FBXO32: variants seen among roughly 807,000 people sequenced by gnomAD.
FBXO32 encodes the protein F-box protein 32, also known as F-box only protein 32.
Under a neutral mutation model 48.3 loss-of-function variants are expected in FBXO32, and 15 were observed. The observed-to-expected ratio is 0.31, with a 90% CI of 0.21 to 0.48. FBXO32 has a LOEUF of 0.48. Ranked by LOEUF, FBXO32 falls within the 20% of genes least tolerant of loss-of-function variation. The pLI is 0.99. For missense variants in FBXO32, 309 were observed against 432.7 expected (o/e 0.71, Z 2.54); for synonymous variants, 154 against 165.9 (o/e 0.93, Z 0.55).
chr8:123,534,968 GTC>G (rs2130559803), intron 1 of FBXO32, among the ~76,000 whole-genome samples, 154 bp from the exon 2 acceptor site: 1 of 152,284 alleles, frequency 6.6e-6, no homozygotes, highest in East Asian at 1.9e-4. Flanking sequence ...AGAAAAAAGA[GTC>G]TATACAGTCA....
chr8:123,516,219 G>C (rs1349810984), intron 4 of FBXO32, among the ~76,000 whole-genome samples: 1 of 152,134 alleles, frequency 6.6e-6, no homozygotes, highest in Non-Finnish European at 1.5e-5. Flanking sequence ...AAACAAAAGA[G>C]GTTGATATAA....
Position 123,503,202 on chromosome 8 carries a change from C to A in FBXO32, c.*171G>T. On this transcript the variant is annotated 3_prime_UTR_variant, in exon 9 of 9. Transcript: ENST00000517956. Reference sequence around the variant, plus strand: ...GTGAGAAGTTCACATTCTTAAATTCCCAGTCAGCAACTGCATTTCTCCCCT... The same window carrying A: ...GTGAGAAGTTCACATTCTTAAATTCACAGTCAGCAACTGCATTTCTCCCCT... 2.1e-6 allele frequency: 1 copy of A among 487,350 alleles called. No individual in the cohort carries two copies. 30.2% of individuals were successfully genotyped at this position (487,350 alleles called of 1,614,324 possible). A position where few individuals can be genotyped will look rare whatever the true frequency, so the allele number is the denominator to read the frequency against.
intron 1 of FBXO32, among the ~76,000 whole-genome samples, chr8:123,538,171 G>C (rs891423204): frequency 6.6e-6 from 1 of 152,078 alleles, no homozygotes; most frequent in Admixed American, 6.5e-5. Context: ...GGCTGGGACT[G>C]GATTTGTAAC....
intron 4 of FBXO32, among the ~76,000 whole-genome samples, chr8:123,530,904 A>G (rs1386311859): frequency 6.7e-6 from 1 of 149,546 alleles, no homozygotes; most frequent in African/African-American, 2.5e-5. Context: ...GGCGTGAGCC[A>G]ATGCACCCAG....
chr8:123,516,348 C>G (rs1489811484), intron 4 of FBXO32, among the ~76,000 whole-genome samples: 1 of 152,098 alleles, frequency 6.6e-6, no homozygotes, highest in Non-Finnish European at 1.5e-5. Context: ...CACAGAGAAC[C>G]GAGACCCCTC....
rs1029950453 is a variant in FBXO32, at chr8:123,499,848, G to A, written c.*3525C>T. On this transcript the variant is annotated 3_prime_UTR_variant, in exon 9 of 9. Transcript: ENST00000517956. ...TGAATCCACAAAGACGAGAACTATG[G>A]CAATAGCATAATACACACCCGCTAC... 3 of 152,166 alleles carry A rather than the reference G, an allele frequency of 2.0e-5. No individual in the cohort carries two copies. The highest frequency in any genetic ancestry group is 4.4e-5 in the Non-Finnish European group (3 of 68,030). 9.4% of individuals were successfully genotyped at this position (152,166 alleles called of 1,614,324 possible). A position where few individuals can be genotyped will look rare whatever the true frequency, so the allele number is the denominator to read the frequency against.
rs1817380436 is a variant in FBXO32 at position 123,540,019 on chromosome 8, G to T, written c.116+880C>A. The stretch of plus-strand genomic sequence containing the variant: ...TTGCGTACTAGCCGGCGCTGGCATC[G>T]TTAGCCAAGCTGAGCAGGGAGCGCA... On this transcript the variant is annotated intron_variant, in intron 1 of 8. Coordinates refer to ENST00000517956, the MANE Select transcript of FBXO32 (RefSeq NM_058229.4). This position sits in a 1 kb window ranked among gnomAD's most constrained non-coding sequence, Gnocchi z 6.4. Among the ~76,000 whole-genome samples, 1 of 152,198 alleles carries T rather than the reference G, an allele frequency of 6.6e-6. No homozygotes were observed. Among genetic ancestry groups the T allele is most frequent in the African/African-American group, 2.4e-5 (1 of 41,440 alleles).
chr8:123,531,073 G>A lies in FBXO32; in HGVS notation c.372+825C>T, dbSNP rs796371861. On this transcript the variant is annotated intron_variant, in intron 4 of 8. Coordinates refer to ENST00000517956, the MANE Select transcript of FBXO32 (RefSeq NM_058229.4). ...CAGCTCACTGCAATGTCTGCCTCCC[G>A]GGTTCAAGCGATTCTCCTGCCTCAG... Among the ~76,000 whole-genome samples, 12 of 149,172 alleles carry A rather than the reference G, an allele frequency of 8.0e-5. 1 individual carries two copies. Among genetic ancestry groups the A allele is most frequent in the African/African-American group, 2.7e-4 (11 of 40,476 alleles).
chr8:123,530,915 C>A (rs7460236), intron 4 of FBXO32, among the ~76,000 whole-genome samples: 47,083 of 145,418 alleles, frequency 0.32, 8,263 homozygotes, highest in African/African-American at 0.48. Context: ...ATGCACCCAG[C>A]CTTTTTTTTT....
At chr8:123,503,705 T>C (rs1816549078) in intron 8 of FBXO32, among the ~76,000 whole-genome samples, 9 of 152,158 alleles carry the variant, frequency 5.9e-5, no homozygotes, top group Admixed American at 5.9e-4. Context: ...AGTGGATCAA[T>C]GGGTACAAAT....
intron 4 of FBXO32, among the ~76,000 whole-genome samples, chr8:123,522,287 C>A (rs1816971969): frequency 6.7e-6 from 1 of 148,192 alleles, no homozygotes. Flanking sequence ...TGGCTCACTG[C>A]AACCTCTGCC....
intron 4 of FBXO32, among the ~76,000 whole-genome samples, chr8:123,523,692 C>T (rs1458543431): frequency 6.6e-6 from 1 of 151,638 alleles, no homozygotes; most frequent in Admixed American, 6.6e-5. Context: ...GATCCTGAGT[C>T]ATTAAGAAAA....
At chr8:123,516,623 G>A (rs895587181) in intron 4 of FBXO32, among the ~76,000 whole-genome samples, 19 of 152,140 alleles carry the variant, frequency 1.2e-4, no homozygotes, top group Admixed American at 7.9e-4. Flanking sequence ...GTTTGTCCCC[G>A]TGGAGCTCTT....
In FBXO32 at chr8:123,513,311, G is replaced by T. The variant is rs1169671474; in HGVS notation, c.538C>A (p.Leu180Met). The change falls in exon 6 of 9, where the codon CTG becomes ATG. Residue 180 changes from leucine (L) to methionine (M), a missense_variant. Leu to Met is a conservative substitution (Grantham distance 15). Coordinates refer to ENST00000517956, the MANE Select transcript of FBXO32 (RefSeq NM_058229.4). This position sits in a 1 kb window ranked among gnomAD's most constrained non-coding sequence, Gnocchi z 4.3. ...LQTLYTSLCT[L>M]VQRVGKSVLV... ...ACAGACTTGCCGACTCTTTGGACCA[G>T]TGTACATAAGGATGTGTAGAGGGTC... The T allele has an allele frequency of 2.5e-6, 4 of 1,614,082 alleles. No individual in the cohort carries two copies. Among genetic ancestry groups the T allele is most frequent in the Non-Finnish European group, 3.4e-6 (4 of 1,180,014 alleles).
chr8:123,536,341 T>C (rs1021067568), intron 1 of FBXO32, among the ~76,000 whole-genome samples: 35 of 152,066 alleles, frequency 2.3e-4, no homozygotes, highest in African/African-American at 8.2e-4. Context: ...CAAGGATGAG[T>C]ATTTTGGGCC....
At chr8:123,509,636 G>A (rs886611196) in intron 6 of FBXO32, among the ~76,000 whole-genome samples, 7 of 152,158 alleles carry the variant, frequency 4.6e-5, no homozygotes, top group South Asian at 2.1e-4. Flanking sequence ...GGAGGCCAAG[G>A]CTGCAGTGAC....
rs1173469147 is a variant in FBXO32 at position 123,500,796 on chromosome 8, A to G, written c.*2577T>C. 2.0e-5 allele frequency: 3 copies of G among 152,116 alleles called. No homozygotes were observed. Among genetic ancestry groups the G allele is most frequent in the Admixed American group, 1.3e-4 (2 of 15,268 alleles). The allele number at this position is 152,116 out of a possible 1,614,324, so 9.4% of individuals were successfully genotyped here. A position where few individuals can be genotyped will look rare whatever the true frequency, so the allele number is the denominator to read the frequency against. On this transcript the variant is annotated 3_prime_UTR_variant, in exon 9 of 9. Coordinates refer to ENST00000517956, the MANE Select transcript of FBXO32 (RefSeq NM_058229.4). ...CCTCTTCCAATGAAAGAGAACCATA[A>G]AGGTTGATTTCTTCTTCATTTTCCT... is the stretch of plus-strand genomic sequence containing the variant.
At position 123,532,156 on chromosome 8, in the gene FBXO32, G is replaced by C. The variant is rs927491871; in HGVS notation, c.280-166C>G. ...CTTTCCTGTACCCACAAGCCCTTGAGAGCCACCAAGATGGGTAACACAGCC... is the reference window on the plus strand; with the variant it reads ...CTTTCCTGTACCCACAAGCCCTTGACAGCCACCAAGATGGGTAACACAGCC... On this transcript the variant is annotated intron_variant, in intron 3 of 8. Transcript: ENST00000517956. The C allele has an allele frequency of 4.3e-6, 6 of 1,395,764 alleles. No individual in the cohort carries two copies. The African/African-American group carries it at 5.9e-5, about 14-fold the overall frequency. The allele number at this position is 1,395,764 out of a possible 1,614,324, so 86.5% of individuals were successfully genotyped here. A position where few individuals can be genotyped will look rare whatever the true frequency, so the allele number is the denominator to read the frequency against.
intron 4 of FBXO32, among the ~76,000 whole-genome samples, chr8:123,518,190 T>C (rs1217889850): frequency 6.6e-6 from 1 of 152,234 alleles, no homozygotes; most frequent in African/African-American, 2.4e-5. Flanking sequence ...GCCTCAGTTT[T>C]CCCATCTTCA....
Sources: gnomAD v4.1 joint callset for allele counts (sites outside exome capture counted in the v4.1 genomes callset) on GRCh38, gnomAD v4.1.1 for gene constraint, Gnocchi (gnomAD v3.1) non-coding constraint, MANE v1.5 for transcripts, NCBI Gene and HGNC (gene_info 2026-07-23, HGNC 2026-07-21) for gene names.